The following CCDC88C variants were observed in gnomAD, a reference collection of about 807,000 sequenced individuals.
CCDC88C encodes protein Daple.
In CCDC88C, 131 loss-of-function variants were observed where a neutral mutation model predicts 198.8. That is an observed-to-expected ratio of 0.66 (90% CI 0.57 to 0.76). The LOEUF is 0.76. Among genes scored for constraint, CCDC88C ranks in the 30% least tolerant of loss-of-function variants. CCDC88C has a pLI of 0.00. For synonymous variants in CCDC88C, 1,166 were observed against 1,114.7 expected (o/e 1.05, Z -0.92); for missense variants, 2,553 against 2,631.6 (o/e 0.97, Z 0.65).
intron 19 of CCDC88C, among the ~76,000 whole-genome samples, chr14:91,305,248 T>C (rs1477734138): frequency 1.3e-5 from 2 of 152,162 alleles, no homozygotes; most frequent in African/African-American, 4.8e-5. Flanking sequence ...CCACAGTCTA[T>C]AGGCGATAAA....
chr14:91,303,321 TCC>T (rs1891396661), intron 20 of CCDC88C, among the ~76,000 whole-genome samples: 1 of 140,610 alleles, frequency 7.1e-6, no homozygotes, highest in Non-Finnish European at 1.6e-5. Context: ...TGCTCCAGGC[TCC>T]ACCTCTCCTC....
intron 10 of CCDC88C, among the ~76,000 whole-genome samples, chr14:91,336,162 A>G (rs917390392): frequency 1.3e-5 from 2 of 152,234 alleles, no homozygotes; most frequent in African/African-American, 4.8e-5. Context: ...TCACAGAGGC[A>G]TGACACTGGA....
At chr14:91,294,371 TGCTGGGA>T in intron 22 of CCDC88C, 53 bp from the exon 23 acceptor site, 1 of 1,590,666 alleles carries the variant, frequency 6.3e-7, no homozygotes, top group South Asian at 1.1e-5. Flanking sequence ...GTGTTCCCAC[TGCTGGGA>T]ACCTAGCTCC....
intron 14 of CCDC88C, 72 bp from the exon 15 acceptor site, chr14:91,314,222 G>T: frequency 7.9e-7 from 1 of 1,260,958 alleles, no homozygotes; most frequent in East Asian, 2.5e-5. Flanking sequence ...GCTCACACTG[G>T]GGATGGGAGA....
At chr14:91,345,162 C>G (rs1411175617) in intron 4 of CCDC88C, among the ~76,000 whole-genome samples, 1 of 127,900 alleles carries the variant, frequency 7.8e-6, no homozygotes, top group African/African-American at 3.0e-5. Flanking sequence ...TCCAGAGGTT[C>G]AATTTATATA....
chr14:91,314,116 T>C lies in CCDC88C; in HGVS notation c.1700A>G (p.Asn567Ser), dbSNP rs751043962. ...KDLEQEKDHL[N>S]RAMWSLRERS... ...CTCCCGCAGCGACCACATGGCTCGG[T>C]TGAGGTGGTCCTTTTCCTGCTCAAG... The change falls in exon 15 of 30, where the codon AAC becomes AGC. Residue 567 changes from asparagine (N) to serine (S), a missense_variant. This residue lies in a region of CCDC88C where 1,260 missense variants were observed against 1,412.0 expected (regional missense o/e 0.89). Transcript: ENST00000389857. The C allele has an allele frequency of 8.1e-6, 13 of 1,612,908 alleles. No individual in the cohort carries two copies. Among genetic ancestry groups the C allele is most frequent in the South Asian group, 3.3e-5 (3 of 91,034 alleles).
intron 3 of CCDC88C, among the ~76,000 whole-genome samples, chr14:91,403,190 A>C (rs1486983688): frequency 2.6e-5 from 4 of 152,216 alleles, no homozygotes; most frequent in African/African-American, 9.6e-5. Flanking sequence ...ATGAAGAAAC[A>C]GCAAATTCCT....
chr14:91,294,714 G>C (rs1382825793), intron 22 of CCDC88C, among the ~76,000 whole-genome samples: 3 of 152,220 alleles, frequency 2.0e-5, no homozygotes, highest in Non-Finnish European at 4.4e-5. Flanking sequence ...GAGTGGAGTG[G>C]CATGACCTCG....
rs1362299425 is a variant in CCDC88C at position 91,281,510 on chromosome 14, T to C, written c.4646A>G (p.Asp1549Gly). 1 of 1,613,882 alleles carries C rather than the reference T, an allele frequency of 6.2e-7. No individual in the cohort carries two copies. The highest frequency in any genetic ancestry group is 1.1e-5 in the South Asian group (1 of 91,078). The part of the protein sequence containing the change: ...PGRTKGYNSD[D>G]NLCEPSLEFE... Reference sequence around the variant, plus strand: ...CTCCAGGGATGGCTCACAGAGGTTGTCATCTGAGTTATAGCCTAAGGTGAA... The same window carrying C: ...CTCCAGGGATGGCTCACAGAGGTTGCCATCTGAGTTATAGCCTAAGGTGAA... Residue 1549 changes from aspartate to glycine, a missense_variant, in exon 27 of 30, where the codon GAC becomes GGC. Coordinates refer to ENST00000389857, the MANE Select transcript of CCDC88C (RefSeq NM_001080414.4).
chr14:91,303,562 A>T, intron 20 of CCDC88C, 139 bp downstream of exon 20: 1 of 477,800 alleles, frequency 2.1e-6, no homozygotes, highest in Non-Finnish European at 2.8e-6. Context: ...CATCTCCTCC[A>T]GGCTCCACCC....
At chr14:91,370,331 G>C (rs1271281007) in intron 3 of CCDC88C, among the ~76,000 whole-genome samples, 1 of 152,242 alleles carries the variant, frequency 6.6e-6, no homozygotes, top group Admixed American at 6.5e-5. Context: ...CGTTAACTCG[G>C]CTGCCAGCTC....
chr14:91,396,700 T>C (rs946335065), intron 3 of CCDC88C, among the ~76,000 whole-genome samples: 4 of 152,212 alleles, frequency 2.6e-5, no homozygotes, highest in African/African-American at 9.6e-5. Context: ...TCCCAGAAGC[T>C]TTGTTGCTTA....
In CCDC88C at chr14:91,417,614, G is replaced by T; in HGVS notation, c.60+17C>A. 3 of 1,582,094 alleles carry T rather than the reference G, an allele frequency of 1.9e-6. No homozygotes were observed. Among genetic ancestry groups the T allele is most frequent in the Non-Finnish European group, 2.6e-6 (3 of 1,166,176 alleles). ...GCCGGTGCACCAACAAAGGGGCGGG[G>T]AGCCAGGCGCACTCACCCAGGTCAC... On this transcript the variant is annotated intron_variant, in intron 1 of 29. Transcript: ENST00000389857.
At chr14:91,323,456 G>A (rs1440238694) in intron 12 of CCDC88C, among the ~76,000 whole-genome samples, 1 of 152,220 alleles carries the variant, frequency 6.6e-6, no homozygotes, top group African/African-American at 2.4e-5. Context: ...AGGTCACCCA[G>A]CTAACCAGCA....
Position 91,339,597 on chromosome 14 carries a change from GA to G in CCDC88C, c.625-136del. The G allele has an allele frequency of 1.1e-6, 1 of 929,298 alleles. No individual in the cohort carries two copies. Among genetic ancestry groups the G allele is most frequent in the Non-Finnish European group, 1.6e-6 (1 of 627,660 alleles). 57.6% of individuals were successfully genotyped at this position (929,298 alleles called of 1,614,324 possible). A position where few individuals can be genotyped will look rare whatever the true frequency, so the allele number is the denominator to read the frequency against. ...GACTAAGAAACGAGGAGGAAGGTGG[GA>G]AAAGGCTGGCATGGGTTTTGAAAAG... On this transcript the variant is annotated intron_variant, in intron 7 of 29. Transcript: ENST00000389857. This position sits in a 1 kb window ranked among gnomAD's most constrained non-coding sequence, Gnocchi z 5.8.
At chr14:91,364,477 G>A (rs1236074970) in intron 3 of CCDC88C, among the ~76,000 whole-genome samples, 3 of 152,194 alleles carry the variant, frequency 2.0e-5, no homozygotes, top group Non-Finnish European at 2.9e-5. Flanking sequence ...GATACTGCAG[G>A]GGCCACTGGT....
intron 3 of CCDC88C, among the ~76,000 whole-genome samples, chr14:91,378,477 TA>T (rs1405343554): frequency 1.3e-5 from 2 of 152,138 alleles, no homozygotes; most frequent in African/African-American, 4.8e-5. Context: ...CACTTCCACT[TA>T]GTCACTTTTC....
chr14:91,375,866 C>A (rs138072450), intron 3 of CCDC88C, among the ~76,000 whole-genome samples: 1 of 152,194 alleles, frequency 6.6e-6, no homozygotes, highest in Non-Finnish European at 1.5e-5. Context: ...CATCTTCTTG[C>A]GTTCAATGGG....
At position 91,309,954 on chromosome 14, in the gene CCDC88C, C is replaced by G. The variant is rs1393071423; in HGVS notation, c.2769G>C (p.Gln923His). ...DLVLEKLKSQ[Q>H]LSSELDKLSQ... is the part of the protein sequence containing the mutation. ...TCAGCTTGTCCAGCTCACTGCTGAGCTGCTGGCTCTTCAGCTTCTCGAGCA... is the reference window on the plus strand; with the variant it reads ...TCAGCTTGTCCAGCTCACTGCTGAGGTGCTGGCTCTTCAGCTTCTCGAGCA... The change falls in exon 16 of 30, where the codon CAG (glutamine) becomes CAC (histidine). Residue 923 changes from glutamine (Q) to histidine (H), a missense_variant. Transcript: ENST00000389857. The G allele has an allele frequency of 3.7e-6, 6 of 1,603,168 alleles. No homozygotes were observed. The highest frequency in any genetic ancestry group is 1.7e-5 in the Admixed American group (1 of 58,490).
Sources: gnomAD v4.1 joint callset for allele counts (sites outside exome capture counted in the v4.1 genomes callset) on GRCh38, gnomAD v4.1.1 for gene constraint, gnomAD v4.1.1 regional missense constraint, Gnocchi (gnomAD v3.1) non-coding constraint, MANE v1.5 for transcripts, NCBI Gene and HGNC (gene_info 2026-07-23, HGNC 2026-07-21) for gene names.